Variants in NSMCE2 observed in about 807,000 individuals in gnomAD.
The protein encoded by NSMCE2 is NSE2 SUMO ligase component of SMC5/6 complex, also known as E3 SUMO-protein ligase NSE2.
Under a neutral mutation model 23.8 loss-of-function variants are expected in NSMCE2, and 24 were observed. The observed-to-expected ratio is 1.01, with a 90% CI of 0.73 to 1.42. The LOEUF is 1.42. Among genes scored for constraint, NSMCE2 ranks in the 40% most tolerant of loss-of-function variants. NSMCE2 has a pLI of 0.00. For synonymous variants in NSMCE2, 92 were observed against 94.1 expected (o/e 0.98, Z 0.13); for missense variants, 284 against 296.5 (o/e 0.96, Z 0.31).
intron 5 of NSMCE2, among the ~76,000 whole-genome samples, chr8:125,185,304 A>AT (rs60256707): frequency 1.1e-4 from 17 of 148,712 alleles, no homozygotes; most frequent in South Asian, 4.3e-4. Flanking sequence ...TACATTTTAA[A>AT]TTTTTTTTTT....
chr8:125,359,699 A>G (rs1375433437), intron 7 of NSMCE2, among the ~76,000 whole-genome samples: 2 of 152,176 alleles, frequency 1.3e-5, no homozygotes, highest in African/African-American at 2.4e-5. Context: ...CCTCATTGGC[A>G]TATTTGAAAT....
At chr8:125,101,001 G>A (rs1339109517) in intron 1 of NSMCE2, among the ~76,000 whole-genome samples, 1 of 152,216 alleles carries the variant, frequency 6.6e-6, no homozygotes, top group East Asian at 1.9e-4. Flanking sequence ...TCATGCTAAA[G>A]GAAGTGCCTG....
intron 5 of NSMCE2, among the ~76,000 whole-genome samples, chr8:125,203,084 T>G (rs1823954393): frequency 6.6e-6 from 1 of 152,160 alleles, no homozygotes; most frequent in Non-Finnish European, 1.5e-5. Context: ...GCTATCACTA[T>G]GTACTCTGTG....
intron 4 of NSMCE2, among the ~76,000 whole-genome samples, chr8:125,169,863 T>G (rs1225666932): frequency 2.0e-5 from 3 of 152,180 alleles, no homozygotes; most frequent in African/African-American, 7.2e-5. Flanking sequence ...GTACTATTCT[T>G]TTACACTAGC....
chr8:125,334,655 G>A (rs1830005093), intron 5 of NSMCE2, among the ~76,000 whole-genome samples: 1 of 151,702 alleles, frequency 6.6e-6, no homozygotes, highest in Admixed American at 6.6e-5. Flanking sequence ...TTAGTTTGGA[G>A]TTAGTTTCAA....
chr8:125,112,339 G>T (rs1288019851), intron 3 of NSMCE2, among the ~76,000 whole-genome samples: 2 of 152,174 alleles, frequency 1.3e-5, no homozygotes, highest in East Asian at 1.9e-4. Context: ...CAGTATGGAG[G>T]TTCCTTTAAA....
chr8:125,127,299 C>T (rs1819561106), intron 3 of NSMCE2, among the ~76,000 whole-genome samples: 1 of 152,022 alleles, frequency 6.6e-6, no homozygotes, highest in Non-Finnish European at 1.5e-5. Context: ...TGGGGAATGG[C>T]ACTGAGAATG....
intron 5 of NSMCE2, among the ~76,000 whole-genome samples, chr8:125,235,218 G>A (rs1825493125): frequency 6.6e-6 from 1 of 150,810 alleles, no homozygotes; most frequent in Non-Finnish European, 1.5e-5. Flanking sequence ...TCCAGCCTGA[G>A]CAACAGAGTG....
At chr8:125,158,775 C>G (rs951982654) in intron 4 of NSMCE2, among the ~76,000 whole-genome samples, 2 of 152,202 alleles carry the variant, frequency 1.3e-5, no homozygotes, top group South Asian at 2.1e-4. Flanking sequence ...TTAGGCCTTT[C>G]CCCACTAATT....
At chr8:125,290,252 TG>T (rs773055120) in intron 5 of NSMCE2, among the ~76,000 whole-genome samples, 2 of 152,008 alleles carry the variant, frequency 1.3e-5, no homozygotes, top group Non-Finnish European at 2.9e-5. Flanking sequence ...TAAGTAGAAA[TG>T]TCTTAGTCAA....
intron 4 of NSMCE2, among the ~76,000 whole-genome samples, chr8:125,169,183 A>G (rs969534678): frequency 6.6e-6 from 1 of 152,292 alleles, no homozygotes; most frequent in East Asian, 1.9e-4. Flanking sequence ...TCTCTTTGGT[A>G]GATCCTACTT....
intron 5 of NSMCE2, among the ~76,000 whole-genome samples, chr8:125,337,178 AG>A (rs1830086259): frequency 6.6e-6 from 1 of 152,250 alleles, no homozygotes; most frequent in Non-Finnish European, 1.5e-5. Context: ...CCTTTAAAGT[AG>A]GTAAGAGTCC....
Position 125,323,959 on chromosome 8 carries a change from G to A in NSMCE2, c.419-33260G>A, listed in dbSNP as rs545830762. Among the ~76,000 whole-genome samples the A allele has an allele frequency of 2.6e-3, 392 of 152,104 alleles. 2 individuals carry two copies. The highest frequency in any genetic ancestry group is 4.1e-3 in the Non-Finnish European group (282 of 67,968). ...AAGATCTCTCAAAACTCAATAAGAAGAAAGCACTCCCAAAAATGGAAAAAA... is the reference window on the plus strand; with the variant it reads ...AAGATCTCTCAAAACTCAATAAGAAAAAAGCACTCCCAAAAATGGAAAAAA... On this transcript the variant is annotated intron_variant, in intron 5 of 7. Coordinates refer to ENST00000287437, the MANE Select transcript of NSMCE2 (RefSeq NM_173685.4).
At chr8:125,333,306 A>C (rs557167543) in intron 5 of NSMCE2, among the ~76,000 whole-genome samples, 52 of 151,620 alleles carry the variant, frequency 3.4e-4, no homozygotes, top group East Asian at 1.8e-3. Context: ...AGTAGCTGGG[A>C]CTGCAGGCAC....
intron 5 of NSMCE2, among the ~76,000 whole-genome samples, chr8:125,271,729 T>C (rs373044938): frequency 6.6e-5 from 10 of 152,350 alleles, no homozygotes; most frequent in African/African-American, 2.4e-4. Context: ...GGAGGATGCA[T>C]GCTTGATTTT....
chr8:125,300,509 A>T (rs889304154), intron 5 of NSMCE2, among the ~76,000 whole-genome samples: 2 of 152,152 alleles, frequency 1.3e-5, no homozygotes, highest in African/African-American at 4.8e-5. Context: ...CAAATGTGAC[A>T]AGGCAAATTC....
chr8:125,266,810 G>A (rs976749579), intron 5 of NSMCE2, among the ~76,000 whole-genome samples: 2 of 152,034 alleles, frequency 1.3e-5, no homozygotes, highest in Non-Finnish European at 1.5e-5. Flanking sequence ...AAAGGAAGTC[G>A]GAGGCAAGGA....
intron 5 of NSMCE2, among the ~76,000 whole-genome samples, chr8:125,353,879 G>C (rs541485254): frequency 6.9e-6 from 1 of 144,440 alleles, no homozygotes; most frequent in African/African-American, 2.5e-5. Flanking sequence ...GCAAGACTCC[G>C]TCTCAAAAAC....
chr8:125,226,611 C>G (rs562966297), intron 5 of NSMCE2, among the ~76,000 whole-genome samples: 28 of 152,254 alleles, frequency 1.8e-4, no homozygotes, highest in African/African-American at 6.3e-4. Context: ...TTCTCACTTT[C>G]TGACTCCTGG....
Sources: gnomAD v4.1 joint callset for allele counts (sites outside exome capture counted in the v4.1 genomes callset) on GRCh38, gnomAD v4.1.1 for gene constraint, MANE v1.5 for transcripts, NCBI Gene and HGNC (gene_info 2026-07-23, HGNC 2026-07-21) for gene names.